THRB: variants seen among roughly 807,000 people sequenced by gnomAD.
THRB encodes nuclear receptor subfamily 1 group A member 2.
In THRB, 12 loss-of-function variants were observed where a neutral mutation model predicts 47.8. That is an observed-to-expected ratio of 0.25 (90% CI 0.16 to 0.41). The LOEUF is 0.41. Among genes scored for constraint, THRB ranks in the 10% least tolerant of loss-of-function variants. The pLI is 1.00. For missense variants in THRB, 348 were observed against 589.2 expected, an observed-to-expected ratio of 0.59 and a Z score of 4.24; for synonymous variants, 218 against 212.2, an observed-to-expected ratio of 1.03 and a Z score of -0.24.
Position 24,121,321 on chromosome 3 carries a change from C to CTA in THRB, c.*1561_*1562dup, listed in dbSNP as rs2031648857. The CTA allele has an allele frequency of 6.6e-6, 1 of 152,658 alleles. No homozygotes were observed. The highest frequency in any genetic ancestry group is 2.4e-5 in the African/African-American group (1 of 41,452). The allele number at this position is 152,658 out of a possible 1,614,324, so 9.5% of individuals were successfully genotyped here. On this transcript the variant is annotated 3_prime_UTR_variant, in exon 11 of 11. Transcript: ENST00000646209. ...GCTCCACCAAACTTACAAAAAGCATCTACTTGGTTTCCATAGTGACTTTCC... is the reference window on the plus strand; with the variant it reads ...GCTCCACCAAACTTACAAAAAGCATCTATACTTGGTTTCCATAGTGACTTTCC...
intron 3 of THRB, among the ~76,000 whole-genome samples, chr3:24,246,443 GATATT>G (rs1313136525): frequency 6.6e-6 from 1 of 152,168 alleles, no homozygotes; most frequent in Non-Finnish European, 1.5e-5. Flanking sequence ...GCATGGTATT[GATATT>G]TCTCAGTGTG....
chr3:24,357,494 C>T (rs183503470), intron 1 of THRB, among the ~76,000 whole-genome samples: 86 of 151,576 alleles, frequency 5.7e-4, no homozygotes, highest in African/African-American at 2.0e-3. Flanking sequence ...AATGAGTCTC[C>T]ATAGAGTTTG....
At chr3:24,378,323 C>G (rs781244614) in intron 1 of THRB, among the ~76,000 whole-genome samples, 1 of 152,138 alleles carries the variant, frequency 6.6e-6, no homozygotes, top group Non-Finnish European at 1.5e-5. Context: ...ATTTGCTCAT[C>G]ATCTCTGCAC....
At chr3:24,249,542 ACC>A (rs2050446436) in intron 3 of THRB, among the ~76,000 whole-genome samples, 1 of 152,108 alleles carries the variant, frequency 6.6e-6, no homozygotes, top group African/African-American at 2.4e-5. Flanking sequence ...AGGGCTGCTT[ACC>A]TCTAACCCAG....
chr3:24,398,551 T>C (rs573386900), intron 1 of THRB, among the ~76,000 whole-genome samples: 118 of 152,270 alleles, frequency 7.7e-4, no homozygotes, highest in African/African-American at 2.7e-3. Flanking sequence ...CCAGTTAGAA[T>C]GGCGATCATT....
At chr3:24,173,080 C>G (rs2040643989) in intron 5 of THRB, among the ~76,000 whole-genome samples, 1 of 152,130 alleles carries the variant, frequency 6.6e-6, no homozygotes, top group Non-Finnish European at 1.5e-5. Context: ...TTAGCATATC[C>G]TGGAACTTCT....
At chr3:24,268,586 GTAAAAT>G (rs1222153313) in intron 3 of THRB, among the ~76,000 whole-genome samples, 7 of 152,088 alleles carry the variant, frequency 4.6e-5, no homozygotes, top group Admixed American at 2.0e-4. Context: ...ACAAATTCAA[GTAAAAT>G]TAAACACATT....
At chr3:24,150,524 AAACCTCAGCT>A (rs1575423053) in intron 6 of THRB, among the ~76,000 whole-genome samples, 1 of 152,194 alleles carries the variant, frequency 6.6e-6, no homozygotes, top group East Asian at 1.9e-4. Flanking sequence ...TCTTTTAAGA[AAACCTCAGCT>A]GATCCAGGCT....
intron 2 of THRB, among the ~76,000 whole-genome samples, chr3:24,299,802 T>TTTTTTA (rs1363344985): frequency 5.3e-5 from 7 of 132,944 alleles, no homozygotes; most frequent in African/African-American, 1.7e-4. Context: ...TTTTTTTTTT[T>TTTTTTA]AGCAAACATA....
At chr3:24,486,797 T>C (rs1181974289) in intron 1 of THRB, among the ~76,000 whole-genome samples, 1 of 152,234 alleles carries the variant, frequency 6.6e-6, no homozygotes, top group Non-Finnish European at 1.5e-5. Context: ...AAGGTTCCCT[T>C]GGTTCCTTTT....
In THRB at chr3:24,355,624, G is replaced by T. The variant is rs1314021789; in HGVS notation, c.-260-18253C>A. Among the ~76,000 whole-genome samples the T allele has an allele frequency of 2.0e-5, 3 of 152,154 alleles. No homozygotes were observed. The East Asian group carries it at 5.8e-4, about 29-fold the overall frequency. ...CAGTAAGGTGGCTGACAGAGACTTA[G>T]TAGTATAAAAAACCACAATTTTTCT... On this transcript the variant is annotated intron_variant, in intron 1 of 10. Coordinates refer to ENST00000646209, the MANE Select transcript of THRB (RefSeq NM_001354712.2).
intron 1 of THRB, among the ~76,000 whole-genome samples, chr3:24,339,356 C>T (rs2062473281): frequency 6.6e-6 from 1 of 151,926 alleles, no homozygotes; most frequent in Non-Finnish European, 1.5e-5. Flanking sequence ...CTCACAATGA[C>T]CGTATGAGGT....
At chr3:24,434,035 T>C (rs2070707148) in intron 1 of THRB, among the ~76,000 whole-genome samples, 1 of 152,114 alleles carries the variant, frequency 6.6e-6, no homozygotes, top group African/African-American at 2.4e-5. Flanking sequence ...CTCTTGTTCC[T>C]CTCTGATGGT....
chr3:24,292,942 G>A (rs968479404), intron 3 of THRB, among the ~76,000 whole-genome samples: 2 of 152,008 alleles, frequency 1.3e-5, no homozygotes, highest in Admixed American at 6.6e-5. Flanking sequence ...AGTTAAAAAA[G>A]TTTAATTTAT....
chr3:24,405,939 C>A (rs1251907419), intron 1 of THRB, among the ~76,000 whole-genome samples: 2 of 151,332 alleles, frequency 1.3e-5, no homozygotes, highest in East Asian at 2.0e-4. Context: ...TTATAAATTT[C>A]TTTTTATATT....
intron 1 of THRB, among the ~76,000 whole-genome samples, chr3:24,370,966 G>C (rs1227296015): frequency 1.3e-5 from 2 of 152,120 alleles, no homozygotes; most frequent in Non-Finnish European, 2.9e-5. Flanking sequence ...ATTTTCAAAA[G>C]AGCTGTAGAA....
At chr3:24,457,504 C>T (rs1228768140) in intron 1 of THRB, among the ~76,000 whole-genome samples, 36 of 152,154 alleles carry the variant, frequency 2.4e-4, no homozygotes, top group Admixed American at 2.2e-3. Context: ...CACATACCTA[C>T]TTTTTAAACT....
rs571912839 is a variant in THRB, at chr3:24,491,382, C to T, written c.-261+3270G>A. 1.2e-3 allele frequency among the ~76,000 whole-genome samples: 186 copies of T among 152,310 alleles called. 1 individual carries two copies. Among genetic ancestry groups the T allele is most frequent in the African/African-American group, 4.0e-3 (166 of 41,572 alleles). On this transcript the variant is annotated intron_variant, in intron 1 of 10. Coordinates refer to ENST00000646209, the MANE Select transcript of THRB (RefSeq NM_001354712.2). ...TTTTGCTCTCAATTGGCAAGAGTTT[C>T]CATGAATAACTAATTTGAAGATGAC...
intron 8 of THRB, among the ~76,000 whole-genome samples, chr3:24,141,736 C>T (rs758469649): frequency 4.6e-5 from 7 of 152,120 alleles, no homozygotes; most frequent in Admixed American, 2.0e-4. Context: ...ATAAAATTCC[C>T]GGGAGAAGTC....
Sources: allele counts gnomAD v4.1 joint callset (sites outside exome capture counted in the v4.1 genomes callset), GRCh38; gene constraint gnomAD v4.1.1; transcripts MANE v1.5; gene names NCBI Gene and HGNC (gene_info 2026-07-23, HGNC 2026-07-21).